Variants in BHMT2 observed in about 807,000 individuals in gnomAD.
BHMT2 encodes the protein betaine--homocysteine S-methyltransferase 2.
Under a neutral mutation model 39.0 loss-of-function variants are expected in BHMT2, and 28 were observed. The observed-to-expected ratio is 0.72, with a 90% confidence interval of 0.53 to 0.98. The LOEUF (loss-of-function observed/expected upper bound fraction) is 0.98, where lower values mean the gene tolerates loss of function less well. Ranked by LOEUF, BHMT2 falls within the 50% of genes least tolerant of loss-of-function variation. BHMT2 has a pLI of 0.00. For missense variants in BHMT2, 410 were observed against 455.6 expected (o/e 0.90, Z 0.91); for synonymous variants, 145 against 160.6 (o/e 0.90, Z 0.74).
At position 79,079,387 on chromosome 5, in the gene BHMT2, A is replaced by G; in HGVS notation, c.185A>G (p.Glu62Gly). 1 of 1,613,436 alleles carries G rather than the reference A, an allele frequency of 6.2e-7. No homozygotes were observed. Among genetic ancestry groups the G allele is most frequent in the African/African-American group, 1.3e-5 (1 of 75,018 alleles). ...TTTGTAGTTCGTCAACTTCACATGG[A>G]ATTCTTGAGAGCAGGATCAAATGTC... ...HPDAVRQLHM[E>G]FLRAGSNVMQ... Residue 62 changes from glutamate (E) to glycine (G), a missense_variant, in exon 3 of 8, where the codon GAA becomes GGA. Physicochemically the swap from Glu to Gly is moderately conservative, Grantham distance 98. Coordinates refer to ENST00000255192, the MANE Select transcript of BHMT2 (RefSeq NM_017614.5).
In BHMT2 at chr5:79,088,905, A is replaced by C. The variant is rs1488257918; in HGVS notation, c.*331A>C. 5.1e-6 allele frequency: 1 copy of C among 195,818 alleles called. No homozygotes were observed. Among genetic ancestry groups the C allele is most frequent in the East Asian group, 1.4e-4 (1 of 7,364 alleles). 12.1% of individuals were successfully genotyped at this position (195,818 alleles called of 1,614,324 possible). On this transcript the variant is annotated 3_prime_UTR_variant, in exon 8 of 8. Transcript: ENST00000255192. ...AAACTTGTCTTTGAGGGTGAATTTG[A>C]CACTTTAAAATAATCAGAAGTCACT...
chr5:79,087,204 C>T (rs892567495), intron 7 of BHMT2, among the ~76,000 whole-genome samples: 1 of 151,416 alleles, frequency 6.6e-6, no homozygotes, highest in East Asian at 1.9e-4. Flanking sequence ...CATTTTTGAA[C>T]TGGAAAAATT....
At chr5:79,085,892 G>C (rs1379502922) in intron 7 of BHMT2, among the ~76,000 whole-genome samples, 1 of 152,024 alleles carries the variant, frequency 6.6e-6, no homozygotes, top group Non-Finnish European at 1.5e-5. Context: ...TGCTACCATG[G>C]TTTCTGGCCT....
In BHMT2 at chr5:79,088,643, G is replaced by A. The variant is rs551084921; in HGVS notation, c.*69G>A. ...TTGCCCTCAAGCCTGACCTGGAACCGTTCCTCACCTTCATCCTCACCATGC... is the reference window on the plus strand; with the variant it reads ...TTGCCCTCAAGCCTGACCTGGAACCATTCCTCACCTTCATCCTCACCATGC... On this transcript the variant is annotated 3_prime_UTR_variant, in exon 8 of 8. Coordinates refer to ENST00000255192, the MANE Select transcript of BHMT2 (RefSeq NM_017614.5). 7.9e-6 allele frequency: 10 copies of A among 1,269,866 alleles called. No individual in the cohort carries two copies. The highest frequency in any genetic ancestry group is 2.4e-5 in the East Asian group (1 of 42,406). 78.7% of individuals were successfully genotyped at this position (1,269,866 alleles called of 1,614,324 possible).
intron 7 of BHMT2, among the ~76,000 whole-genome samples, 197 bp downstream of exon 7, chr5:79,084,053 C>A (rs1278494733): frequency 1.3e-5 from 2 of 152,158 alleles, no homozygotes; most frequent in Non-Finnish European, 2.9e-5. Context: ...ATACCATAAA[C>A]TGGGTGGCTT....
chr5:79,079,356 A>C lies in BHMT2; in HGVS notation c.167-13A>C, dbSNP rs747199798. The C allele has an allele frequency of 3.8e-6, 6 of 1,587,986 alleles. No homozygotes were observed. In the Admixed American group the frequency reaches 8.5e-5, roughly 22 times the overall value. On this transcript the variant is annotated splice_polypyrimidine_tract_variant and intron_variant, in intron 2 of 7. Coordinates refer to ENST00000255192, the MANE Select transcript of BHMT2 (RefSeq NM_017614.5). ...TCATTTATTTCAATGTTTAAAACCC[A>C]ACTACTTTGTAGTTCGTCAACTTCA... is the stretch of plus-strand genomic sequence containing the variant.
chr5:79,079,984 T>C (rs1208604672), intron 3 of BHMT2, among the ~76,000 whole-genome samples: 10 of 152,214 alleles, frequency 6.6e-5, no homozygotes, highest in Admixed American at 1.3e-4. Context: ...AAATAAACCA[T>C]TGGAAGGGCA....
chr5:79,070,833 A>G (rs1233825175), intron 1 of BHMT2, among the ~76,000 whole-genome samples: 1 of 152,228 alleles, frequency 6.6e-6, no homozygotes, highest in Non-Finnish European at 1.5e-5. Context: ...GATCCCAACC[A>G]TATACAAATA....
chr5:79,077,944 A>G, intron 2 of BHMT2: 1 of 185,144 alleles, frequency 5.4e-6, no homozygotes, highest in Non-Finnish European at 1.1e-5. Context: ...ACACACATAC[A>G]CACCCACACA....
chr5:79,083,096 G>T (rs1360876248), intron 5 of BHMT2, 96 bp from the exon 6 acceptor site: 2 of 1,571,792 alleles, frequency 1.3e-6, no homozygotes, highest in East Asian at 4.5e-5. Context: ...TGTGGGAGGT[G>T]GAGGGGAATG....
In BHMT2 at chr5:79,089,073, A is replaced by G. The variant is rs1755966929; in HGVS notation, c.*499A>G. The G allele has an allele frequency of 6.6e-6, 1 of 152,438 alleles. No homozygotes were observed. Among genetic ancestry groups the G allele is most frequent in the Non-Finnish European group, 1.5e-5 (1 of 68,230 alleles). 9.4% of individuals were successfully genotyped at this position (152,438 alleles called of 1,614,324 possible). A position where few individuals can be genotyped will look rare whatever the true frequency, so the allele number is the denominator to read the frequency against. ...AGGCAATCCCAAAGAAAAGATGTAA[A>G]GAATGTTTTGAGCAATGGTAGCATT... On this transcript the variant is annotated 3_prime_UTR_variant, in exon 8 of 8. Transcript: ENST00000255192.
At chr5:79,086,372 A>ATGAG (rs1561243659) in intron 7 of BHMT2, among the ~76,000 whole-genome samples, 1 of 152,140 alleles carries the variant, frequency 6.6e-6, no homozygotes, top group Non-Finnish European at 1.5e-5. Context: ...GGACAGTCAA[A>ATGAG]TGAGTCATCT....
At chr5:79,073,752 C>G (rs1449410538) in intron 1 of BHMT2, among the ~76,000 whole-genome samples, 1 of 152,188 alleles carries the variant, frequency 6.6e-6, no homozygotes, top group Non-Finnish European at 1.5e-5. Context: ...ATAGTTCACA[C>G]AGCTGGGCTC....
chr5:79,083,579 T>G, intron 6 of BHMT2, 49 bp from the exon 7 acceptor site: 1 of 1,599,196 alleles, frequency 6.3e-7, no homozygotes, highest in Non-Finnish European at 8.5e-7. Flanking sequence ...GCATCCATCA[T>G]TTGAAAATGA....
intron 7 of BHMT2, among the ~76,000 whole-genome samples, chr5:79,087,669 C>T (rs756597982): frequency 6.6e-5 from 10 of 152,138 alleles, no homozygotes; most frequent in Admixed American, 1.3e-4. Flanking sequence ...GAAAGGGCTA[C>T]GACCAGGGAC....
chr5:79,081,150 T>C (rs979543757), intron 4 of BHMT2, among the ~76,000 whole-genome samples: 1 of 152,132 alleles, frequency 6.6e-6, no homozygotes, highest in African/African-American at 2.4e-5. Context: ...CTTGGGGGAC[T>C]CTACAACCTA....
intron 4 of BHMT2, 137 bp from the exon 5 acceptor site, chr5:79,082,672 A>G (rs2112701646): frequency 1.0e-6 from 1 of 968,822 alleles, no homozygotes; most frequent in Middle Eastern, 3.4e-4. Flanking sequence ...TGATAGACAC[A>G]CATTCCTTAG....
At chr5:79,087,014 G>GTGTATATATATATATATATA (rs1329456863) in intron 7 of BHMT2, among the ~76,000 whole-genome samples, 5 of 118,310 alleles carry the variant, frequency 4.2e-5, no homozygotes, top group African/African-American at 6.4e-5. Context: ...GTGTGTGTGT[G>GTGTATATATATATATATATA]TATATATATA....
At chr5:79,073,253 C>T (rs781071488) in intron 1 of BHMT2, among the ~76,000 whole-genome samples, 1 of 152,076 alleles carries the variant, frequency 6.6e-6, no homozygotes, top group African/African-American at 2.4e-5. Context: ...CGTGAGCCAC[C>T]GCGCCTGGCC....
Sources: gnomAD v4.1 joint callset for allele counts (sites outside exome capture counted in the v4.1 genomes callset) on GRCh38, gnomAD v4.1.1 for gene constraint, MANE v1.5 for transcripts, NCBI Gene and HGNC (gene_info 2026-07-23, HGNC 2026-07-21) for gene names.